Variants in ARL2BP observed in about 807,000 individuals in gnomAD.
ARL2BP encodes the protein ADP-ribosylation factor-like protein 2-binding protein.
Under a neutral mutation model 24.2 loss-of-function variants are expected in ARL2BP, and 19 were observed. The ratio of observed to expected loss-of-function variants is 0.79; its 90% CI spans 0.55 to 1.15. ARL2BP has a LOEUF of 1.15. Among genes scored for constraint, ARL2BP ranks in the 50% most tolerant of loss-of-function variants. ARL2BP has a pLI of 0.00. For missense variants in ARL2BP, 160 were observed against 190.4 expected, an observed-to-expected ratio of 0.84 and a Z score of 0.94; for synonymous variants, 56 against 70.5, an observed-to-expected ratio of 0.79 and a Z score of 1.03.
At chr16:57,251,996 A>G (rs550923992) in intron 5 of ARL2BP, 170 bp from the exon 6 acceptor site, 9 of 591,750 alleles carry the variant, frequency 1.5e-5, no homozygotes, top group African/African-American at 1.5e-4. Context: ...AATTAAGACT[A>G]GGGCAGGCCA....
Position 57,252,167 on chromosome 16 carries a change from A to C in ARL2BP, c.392A>C (p.Glu131Ala). 1 of 1,613,434 alleles carries C rather than the reference A, an allele frequency of 6.2e-7. No individual in the cohort carries two copies. Among genetic ancestry groups the C allele is most frequent in the Non-Finnish European group, 8.5e-7 (1 of 1,179,734 alleles). ...TCCTTTGGTTGTTTTCTCATATAGG[A>C]AAAAGAAGGCCGAGGACTGGACTTA... ...FKEMFLDYRA[E>A]KEGRGLDLSS... is the part of the protein sequence containing the mutation. The change falls in exon 6 of 6, where the codon GAA (glutamate) becomes GCA (alanine). Residue 131 changes from glutamate (E) to alanine (A), a missense_variant and splice_region_variant. Transcript: ENST00000219204.
chr16:57,248,067 A>G (rs1428317491), intron 2 of ARL2BP, among the ~76,000 whole-genome samples: 1 of 152,094 alleles, frequency 6.6e-6, no homozygotes, highest in Non-Finnish European at 1.5e-5. Context: ...TAATCCCAGC[A>G]CTTTGGGAGG....
chr16:57,247,418 C>G (rs1194527429), intron 2 of ARL2BP: 1 of 152,088 alleles, frequency 6.6e-6, no homozygotes, highest in African/African-American at 2.4e-5. Context: ...GGTACGGTGG[C>G]TCACACCTAT....
intron 4 of ARL2BP, 75 bp from the exon 5 acceptor site, chr16:57,250,336 G>A (rs2075403380): frequency 7.3e-7 from 1 of 1,361,064 alleles, no homozygotes; most frequent in African/African-American, 1.4e-5. Context: ...CTGGGGTGGT[G>A]GAAAGAAAAA....
rs200460351 is a variant in ARL2BP, at chr16:57,249,810, G to A, written c.251G>A (p.Arg84Gln). ...TACATTGAAGAACAGCTGCTGCAGCGGATTCCTGAGTTCAACATGGCAGCC... is the reference window on the plus strand; with the variant it reads ...TACATTGAAGAACAGCTGCTGCAGCAGATTCCTGAGTTCAACATGGCAGCC... ...EKYIEEQLLQ[R>Q]IPEFNMAAFT... Residue 84 changes from arginine (R) to glutamine (Q), a missense_variant, in exon 4 of 6, where the codon CGG (arginine) becomes CAG (glutamine). Transcript: ENST00000219204. 4.5e-5 allele frequency: 73 copies of A among 1,614,194 alleles called. No individual in the cohort carries two copies. Among genetic ancestry groups the A allele is most frequent in the South Asian group, 3.2e-4 (29 of 91,080 alleles).
rs1597951130 is a variant in ARL2BP at position 57,245,309 on chromosome 16, C to A, written c.-59C>A. ...AGAGGCCTTAACCCCGCCGGGCGGC[C>A]GCGCCCTGCATGCGAGTTGGGCCGC... On this transcript the variant is annotated 5_prime_UTR_variant, in exon 1 of 6. Transcript: ENST00000219204. 1 of 1,575,118 alleles carries A rather than the reference C, an allele frequency of 6.3e-7. No individual in the cohort carries two copies. The highest frequency in any genetic ancestry group is 8.6e-7 in the Non-Finnish European group (1 of 1,160,994).
rs1360159312 is a variant in ARL2BP, at chr16:57,245,323, G to C, written c.-45G>C. ...CGCCGGGCGGCCGCGCCCTGCATGC[G>C]AGTTGGGCCGCGGGCGGGGTTGGAG... is the stretch of plus-strand genomic sequence containing the variant. On this transcript the variant is annotated 5_prime_UTR_variant, in exon 1 of 6. Coordinates refer to ENST00000219204, the MANE Select transcript of ARL2BP (RefSeq NM_012106.4). 1.3e-6 allele frequency: 2 copies of C among 1,591,478 alleles called. No homozygotes were observed. Among genetic ancestry groups the C allele is most frequent in the Admixed American group, 1.8e-5 (1 of 55,802 alleles).
chr16:57,245,288 GC>G lies in ARL2BP; in HGVS notation c.-78del. 1 of 1,534,304 alleles carries G rather than the reference GC, an allele frequency of 6.5e-7. No individual in the cohort carries two copies. Among genetic ancestry groups the G allele is most frequent in the Non-Finnish European group, 8.8e-7 (1 of 1,130,962 alleles). ...AGCTGGCCGCGGCCTTGGCTGAGAG[GC>G]CTTAACCCCGCCGGGCGGCCGCGCC... On this transcript the variant is annotated 5_prime_UTR_variant, in exon 1 of 6. Coordinates refer to ENST00000219204, the MANE Select transcript of ARL2BP (RefSeq NM_012106.4).
At chr16:57,245,629 C>G (rs1411987535) in intron 1 of ARL2BP, among the ~76,000 whole-genome samples, 3 of 152,132 alleles carry the variant, frequency 2.0e-5, no homozygotes, top group Non-Finnish European at 4.4e-5. Flanking sequence ...CGGGTGTCAC[C>G]GTTGATCAGC....
intron 1 of ARL2BP, 60 bp from the exon 2 acceptor site, chr16:57,246,020 C>T (rs1165782770): frequency 1.3e-5 from 21 of 1,563,258 alleles, no homozygotes; most frequent in Non-Finnish European, 1.8e-5. Context: ...AACGTCCATA[C>T]TAAAAACATT....
Position 57,245,378 on chromosome 16 carries a change from TAGAA to T in ARL2BP, c.12_15del (p.Gly6ArgfsTer22). The stretch of plus-strand genomic sequence containing the variant: ...CTCGGGGCGACTGCGATGGACGCCT[TAGAA>T]GGAGAGAGCTTTGCGCTGTCTTTGT... On this transcript the variant is annotated frameshift_variant, in exon 1 of 6. Coordinates refer to ENST00000219204, the MANE Select transcript of ARL2BP (RefSeq NM_012106.4). LOFTEE classifies it high-confidence loss of function. 6.2e-7 allele frequency: 1 copy of T among 1,607,530 alleles called. No individual in the cohort carries two copies. The highest frequency in any genetic ancestry group is 8.5e-7 in the Non-Finnish European group (1 of 1,177,774).
intron 2 of ARL2BP, among the ~76,000 whole-genome samples, chr16:57,247,709 C>T (rs1597952324): frequency 6.6e-6 from 1 of 152,158 alleles, no homozygotes; most frequent in Non-Finnish European, 1.5e-5. Context: ...CCCAAGGTCA[C>T]ACAATTAGTA....
Position 57,252,502 on chromosome 16 carries a change from C to A in ARL2BP, c.*235C>A, listed in dbSNP as rs77920009. 3,751 of 657,492 alleles carry A rather than the reference C, an allele frequency of 5.7e-3. 88 individuals carry two copies. In the African/African-American group the frequency reaches 0.058, roughly 10 times the overall value. The allele number at this position is 657,492 out of a possible 1,614,324, so 40.7% of individuals were successfully genotyped here. A position where few individuals can be genotyped will look rare whatever the true frequency, so the allele number is the denominator to read the frequency against. Reference sequence around the variant, plus strand: ...TCCTCCCCACCTCAAGTAGACACCTCTCTCAGGAGCTTCTGAGTCAGACGC... The same window carrying A: ...TCCTCCCCACCTCAAGTAGACACCTATCTCAGGAGCTTCTGAGTCAGACGC... On this transcript the variant is annotated 3_prime_UTR_variant, in exon 6 of 6. Coordinates refer to ENST00000219204, the MANE Select transcript of ARL2BP (RefSeq NM_012106.4).
At chr16:57,248,464 T>G (rs1268782604) in intron 2 of ARL2BP, 73 bp from the exon 3 acceptor site, 1 of 900,790 alleles carries the variant, frequency 1.1e-6, no homozygotes, top group Admixed American at 2.2e-5. Context: ...CTGACATAGA[T>G]CCTGCCTACT....
chr16:57,248,667 AC>A, intron 3 of ARL2BP, 24 bp downstream of exon 3: 2 of 1,385,656 alleles, frequency 1.4e-6, no homozygotes, highest in Non-Finnish European at 9.9e-7. Flanking sequence ...TATGTCTCCT[AC>A]CAGGAGGTCA....
At chr16:57,251,904 G>C (rs1408692907) in intron 5 of ARL2BP, 29 of 372,074 alleles carry the variant, frequency 7.8e-5, no homozygotes, top group South Asian at 2.2e-4. Flanking sequence ...ATTCCAGGCA[G>C]CAGTTAGCTG....
At position 57,252,875 on chromosome 16, in the gene ARL2BP, G is replaced by A. The variant is rs1597954940; in HGVS notation, c.*608G>A. On this transcript the variant is annotated 3_prime_UTR_variant, in exon 6 of 6. Coordinates refer to ENST00000219204, the MANE Select transcript of ARL2BP (RefSeq NM_012106.4). ...CCTAGTCTTAACATTTGCAGTCCTTGTGTCACTGTCTTCTGGTCCTGATGT... is the reference window on the plus strand; with the variant it reads ...CCTAGTCTTAACATTTGCAGTCCTTATGTCACTGTCTTCTGGTCCTGATGT... 6.5e-6 allele frequency: 1 copy of A among 153,938 alleles called. No individual in the cohort carries two copies. The highest frequency in any genetic ancestry group is 6.4e-5 in the Admixed American group (1 of 15,562). 9.5% of individuals were successfully genotyped at this position (153,938 alleles called of 1,614,324 possible).
intron 5 of ARL2BP, 95 bp downstream of exon 5, chr16:57,250,602 A>G: frequency 1.0e-6 from 1 of 969,324 alleles, no homozygotes; most frequent in Non-Finnish European, 1.6e-6. Flanking sequence ...TTCCCCCATC[A>G]TTCTCCCTTC....
At chr16:57,247,825 AAGAG>A (rs1380619531) in intron 2 of ARL2BP, among the ~76,000 whole-genome samples, 1 of 152,192 alleles carries the variant, frequency 6.6e-6, no homozygotes, top group Non-Finnish European at 1.5e-5. Context: ...ATATCAAAAT[AAGAG>A]AGAACCAATT....
Sources: allele counts gnomAD v4.1 joint callset (sites outside exome capture counted in the v4.1 genomes callset), GRCh38; gene constraint gnomAD v4.1.1; transcripts MANE v1.5; gene names NCBI Gene and HGNC (gene_info 2026-07-23, HGNC 2026-07-21).